The following TCF20 variants were observed in gnomAD, a reference collection of about 807,000 sequenced individuals.
The protein encoded by TCF20 is SPRE-binding protein.
Under a neutral mutation model 148.6 loss-of-function variants are expected in TCF20, and 3 were observed. That is an observed-to-expected ratio of 0.02 (90% CI 0.01 to 0.05). TCF20 has a LOEUF of 0.05. TCF20 is among the 10% of genes least tolerant of loss of function. The probability of loss-of-function intolerance (pLI) is 1.00; values close to 1 mark genes in which losing one functional copy is unlikely to be tolerated. For missense variants in TCF20, 2,350 were observed against 2,429.3 expected, an observed-to-expected ratio of 0.97 and a Z score of 0.69; for synonymous variants, 1,049 against 909.5, an observed-to-expected ratio of 1.15 and a Z score of -2.76.
At chr22:42,263,791 G>A (rs1926144799) in intron 1 of TCF20, among the ~76,000 whole-genome samples, 1 of 152,068 alleles carries the variant, frequency 6.6e-6, no homozygotes, top group Admixed American at 6.6e-5. Context: ...TTTCCTAAGC[G>A]AGTACATTAA....
intron 1 of TCF20, among the ~76,000 whole-genome samples, chr22:42,335,018 T>A (rs1450577270): frequency 6.6e-6 from 1 of 152,046 alleles, no homozygotes; most frequent in Non-Finnish European, 1.5e-5. Flanking sequence ...CTGTACACCC[T>A]CTGGGCCCGG....
Position 42,211,816 on chromosome 22 carries a change from G to A in TCF20, c.3490C>T (p.Leu1164=), listed in dbSNP as rs1569147286. 1 of 1,614,174 alleles carries A rather than the reference G, an allele frequency of 6.2e-7. No individual in the cohort carries two copies. The highest frequency in any genetic ancestry group is 8.5e-7 in the Non-Finnish European group (1 of 1,180,038). Residue 1164 remains leucine, a synonymous_variant, in exon 2 of 6, where the codon CTA becomes TTA. Coordinates refer to ENST00000677622, the MANE Select transcript of TCF20 (RefSeq NM_001378418.1). The part of the protein sequence containing the change: ...DPSAQEAGRC[L]MSSDGLPNKG... ...TTAGGCAGACCATCACTAGACATTA[G>A]GCAGCGCCCAGCCTCCTGGGCACTG...
chr22:42,227,412 C>T (rs1281182480), intron 1 of TCF20, among the ~76,000 whole-genome samples: 1 of 152,180 alleles, frequency 6.6e-6, no homozygotes, highest in African/African-American at 2.4e-5. Flanking sequence ...CTTTTCCTGA[C>T]CCCTTTGAGA....
intron 2 of TCF20, among the ~76,000 whole-genome samples, chr22:42,184,019 T>A (rs1936921719): frequency 6.6e-6 from 1 of 152,174 alleles, no homozygotes; most frequent in Non-Finnish European, 1.5e-5. Context: ...TCTGCCCACC[T>A]CAGCCTCTCA....
intron 1 of TCF20, among the ~76,000 whole-genome samples, chr22:42,301,135 G>A (rs755050737): frequency 1.3e-5 from 2 of 151,962 alleles, no homozygotes; most frequent in Non-Finnish European, 2.9e-5. Context: ...AGGCAAGGCT[G>A]GGAGGAGGTG....
intron 1 of TCF20, among the ~76,000 whole-genome samples, chr22:42,332,232 G>A (rs1295650143): frequency 6.6e-6 from 1 of 152,256 alleles, no homozygotes; most frequent in Non-Finnish European, 1.5e-5. Context: ...GCTGGGCTCT[G>A]AGGGTATTAG....
intron 1 of TCF20, among the ~76,000 whole-genome samples, chr22:42,224,352 G>T (rs1015899238): frequency 2.6e-5 from 4 of 151,738 alleles, no homozygotes; most frequent in African/African-American, 9.7e-5. Context: ...GGCACCTGTA[G>T]TCCCAGCTAC....
upstream of TCF20, among the ~76,000 whole-genome samples, chr22:42,270,832 G>A (rs1341475687): frequency 6.7e-6 from 1 of 149,258 alleles, no homozygotes; most frequent in Non-Finnish European, 1.5e-5. Context: ...GCCGGGTAGG[G>A]ATCGCGAAGA....
intron 1 of TCF20, among the ~76,000 whole-genome samples, chr22:42,259,250 G>A (rs996735289): frequency 3.3e-5 from 5 of 152,160 alleles, no homozygotes; most frequent in African/African-American, 1.2e-4. Context: ...ACTTGTCATT[G>A]TTAGCAAGAA....
chr22:42,194,308 C>A (rs1349079495), intron 2 of TCF20, among the ~76,000 whole-genome samples: 1 of 152,194 alleles, frequency 6.6e-6, no homozygotes, highest in African/African-American at 2.4e-5. Context: ...AATGCTGGGT[C>A]AGCAAGTTAG....
At chr22:42,219,842 C>T (rs1256239210) in intron 1 of TCF20, among the ~76,000 whole-genome samples, 2 of 152,056 alleles carry the variant, frequency 1.3e-5, no homozygotes, top group Non-Finnish European at 2.9e-5. Flanking sequence ...GGCAACAAAG[C>T]GAGATTCCGT....
intron 2 of TCF20, among the ~76,000 whole-genome samples, chr22:42,200,641 CAAAAAA>C (rs34605295): frequency 2.1e-5 from 2 of 96,506 alleles, no homozygotes; most frequent in South Asian, 3.8e-4. Context: ...GACTTCGTCT[CAAAAAA>C]AAAAAAAAAA....
chr22:42,162,714 C>G (rs937736598), intron 5 of TCF20, among the ~76,000 whole-genome samples: 1 of 152,188 alleles, frequency 6.6e-6, no homozygotes, highest in Non-Finnish European at 1.5e-5. Context: ...ATTTGGTGCC[C>G]TCCCCTGACA....
chr22:42,257,086 G>C (rs1292301827), intron 1 of TCF20, among the ~76,000 whole-genome samples: 1 of 152,162 alleles, frequency 6.6e-6, no homozygotes, highest in African/African-American at 2.4e-5. Flanking sequence ...TTTGAGTCCA[G>C]GAACTCAAGG....
At chr22:42,242,842 G>A (rs1254566691) in intron 1 of TCF20, among the ~76,000 whole-genome samples, 5 of 151,840 alleles carry the variant, frequency 3.3e-5, no homozygotes, top group African/African-American at 9.7e-5. Context: ...AGTGGAGATC[G>A]CACCACTGCA....
At chr22:42,313,593 C>CTTTCT (rs1449994573) in intron 1 of TCF20, among the ~76,000 whole-genome samples, 1 of 115,670 alleles carries the variant, frequency 8.6e-6, no homozygotes, top group African/African-American at 3.8e-5. Context: ...CAACAGAATT[C>CTTTCT]TTTCTTTTTT....
intron 1 of TCF20, among the ~76,000 whole-genome samples, chr22:42,266,946 T>C (rs1227379307): frequency 6.6e-6 from 1 of 152,108 alleles, no homozygotes; most frequent in African/African-American, 2.4e-5. Context: ...ATAAGACAAG[T>C]GTAATATACA....
chr22:42,293,932 G>A (rs780817555), intron 1 of TCF20, among the ~76,000 whole-genome samples: 5 of 152,222 alleles, frequency 3.3e-5, no homozygotes, highest in Admixed American at 1.3e-4. Context: ...CCCTGGAGCC[G>A]GAGGTTGCAG....
intron 3 of TCF20, 117 bp downstream of exon 3, chr22:42,179,492 A>G: frequency 1.9e-5 from 1 of 52,236 alleles, no homozygotes; most frequent in Non-Finnish European, 2.8e-5. Context: ...TGAAGTGACA[A>G]AAAAAAAAAA....
Sources: allele counts gnomAD v4.1 joint callset (sites outside exome capture counted in the v4.1 genomes callset), GRCh38; gene constraint gnomAD v4.1.1; transcripts MANE v1.5; gene names NCBI Gene and HGNC (gene_info 2026-07-23, HGNC 2026-07-21).